The following UNC5A variants were observed in gnomAD, a reference collection of about 807,000 sequenced individuals.
UNC5A encodes the protein netrin receptor UNC5A.
Under a neutral mutation model 87.4 loss-of-function variants are expected in UNC5A, and 20 were observed. That is an observed-to-expected ratio of 0.23 (90% CI 0.16 to 0.33). The LOEUF (loss-of-function observed/expected upper bound fraction) is 0.33, where lower values mean the gene tolerates loss of function less well. Ranked by LOEUF, UNC5A falls within the 10% of genes least tolerant of loss-of-function variation. The pLI is 1.00. For missense variants in UNC5A, 844 were observed against 1,133.4 expected (o/e 0.74, Z 3.67); for synonymous variants, 438 against 482.3 (o/e 0.91, Z 1.20).
rs575669474 is a variant in UNC5A, at chr5:176,880,008, C to G, written c.*122C>G. The G allele has an allele frequency of 6.4e-4, 839 of 1,308,562 alleles. No homozygotes were observed. The highest frequency in any genetic ancestry group is 8.4e-4 in the Non-Finnish European group (823 of 978,920). The allele number at this position is 1,308,562 out of a possible 1,614,324, so 81.1% of individuals were successfully genotyped here. On this transcript the variant is annotated 3_prime_UTR_variant, in exon 15 of 15. Coordinates refer to ENST00000329542, the MANE Select transcript of UNC5A (RefSeq NM_133369.3). ...CTGCTCGGACAGGCCCCCTCCCGGC[C>G]GAAGCTGTCCCTTAATGCTGGTCCT...
chr5:176,872,655 A>C (rs1334712011), intron 6 of UNC5A, among the ~76,000 whole-genome samples: 6 of 91,310 alleles, frequency 6.6e-5, no homozygotes, highest in Admixed American at 1.1e-4. Context: ...CACACTCACC[A>C]ACACCACAGC....
intron 1 of UNC5A, among the ~76,000 whole-genome samples, chr5:176,834,242 G>A (rs1757095088): frequency 6.6e-6 from 1 of 152,170 alleles, no homozygotes. Flanking sequence ...AAGGAGCTGA[G>A]ACAGGGCCCC....
chr5:176,826,045 A>T (rs1756845063), intron 1 of UNC5A, among the ~76,000 whole-genome samples: 1 of 152,146 alleles, frequency 6.6e-6, no homozygotes, highest in African/African-American at 2.4e-5. Flanking sequence ...CAAAGGGCCT[A>T]CTCTGGTCTG....
chr5:176,823,429 G>A (rs559552054), intron 1 of UNC5A, among the ~76,000 whole-genome samples: 58 of 152,246 alleles, frequency 3.8e-4, no homozygotes, highest in African/African-American at 1.3e-3. Flanking sequence ...GGTCAGGCAG[G>A]CACTGGGGGC....
Position 176,870,439 on chromosome 5 carries a change from G to A in UNC5A, c.791G>A (p.Arg264His), listed in dbSNP as rs1758081398. 4 of 1,612,210 alleles carry A rather than the reference G, an allele frequency of 2.5e-6. No homozygotes were observed. The highest frequency in any genetic ancestry group is 2.5e-6 in the Non-Finnish European group (3 of 1,179,510). Residue 264 changes from arginine (R) to histidine (H), a missense_variant, in exon 6 of 15, where the codon CGT (arginine) becomes CAT (histidine). Around this residue, in one of 3 missense-constraint regions of UNC5A, gnomAD observed 314 missense variants for 466.5 expected, o/e 0.67. Coordinates refer to ENST00000329542, the MANE Select transcript of UNC5A (RefSeq NM_133369.3). ...CTGGACTGCACCCACTGGCGGAGCC[G>A]TGAGTGCTCTGACCCAGCACCCCGC... is the stretch of plus-strand genomic sequence containing the variant. ...CGLDCTHWRSRECSDPAPRNG... is the reference protein window; with the variant it reads ...CGLDCTHWRSHECSDPAPRNG...
At chr5:176,825,838 C>A (rs1011609754) in intron 1 of UNC5A, among the ~76,000 whole-genome samples, 3 of 152,130 alleles carry the variant, frequency 2.0e-5, no homozygotes, top group African/African-American at 7.2e-5. Context: ...GGCACCTGAG[C>A]CATTAAATAA....
rs185156612 is a variant in UNC5A at position 176,832,957 on chromosome 5, G to A, written c.70+22137G>A. Among the ~76,000 whole-genome samples, 24 of 152,284 alleles carry A rather than the reference G, an allele frequency of 1.6e-4. No homozygotes were observed. In the East Asian group the frequency reaches 4.3e-3, roughly 27 times the overall value. On this transcript the variant is annotated intron_variant, in intron 1 of 14. Coordinates refer to ENST00000329542, the MANE Select transcript of UNC5A (RefSeq NM_133369.3). Reference sequence around the variant, plus strand: ...AGGGCTTGGTCAGCCCTTGGGCAGAGGAGGAACGAAAGGAGGCTCATGCCT... The same window carrying A: ...AGGGCTTGGTCAGCCCTTGGGCAGAAGAGGAACGAAAGGAGGCTCATGCCT...
intron 1 of UNC5A, among the ~76,000 whole-genome samples, chr5:176,845,248 C>G (rs992668801): frequency 6.6e-6 from 1 of 152,202 alleles, no homozygotes; most frequent in Non-Finnish European, 1.5e-5. Context: ...ACAGAGCCCT[C>G]GCTCCAGAGC....
intron 6 of UNC5A, among the ~76,000 whole-genome samples, chr5:176,872,661 A>C: frequency 1.0e-5 from 1 of 98,932 alleles, no homozygotes; most frequent in Non-Finnish European, 2.0e-5. Flanking sequence ...CACCAACACC[A>C]CAGCTTCACA....
chr5:176,817,377 A>G (rs1581240901), intron 1 of UNC5A, among the ~76,000 whole-genome samples: 1 of 152,182 alleles, frequency 6.6e-6, no homozygotes, highest in East Asian at 1.9e-4. Flanking sequence ...CCTCGGCCCT[A>G]GGTGTCCCCA....
rs994591977 is a variant in UNC5A, at chr5:176,844,421, G to A, written c.71-18203G>A. On this transcript the variant is annotated intron_variant, in intron 1 of 14. Transcript: ENST00000329542. The surrounding 1 kb of genome is among the most constrained non-coding windows in gnomAD (Gnocchi z 4.2). ...CTGTGCCAGGGAAGGAGAGGCCAGGGGAAGTTTATGTCCACCCACGGTGTC... is the reference window on the plus strand; with the variant it reads ...CTGTGCCAGGGAAGGAGAGGCCAGGAGAAGTTTATGTCCACCCACGGTGTC... 1.3e-5 allele frequency among the ~76,000 whole-genome samples: 2 copies of A among 152,182 alleles called. No individual in the cohort carries two copies. Among genetic ancestry groups the A allele is most frequent in the South Asian group, 2.1e-4 (1 of 4,830 alleles).
chr5:176,870,467 C>T lies in UNC5A; in HGVS notation c.819C>T (p.Asn273=), dbSNP rs368683004. The part of the protein sequence containing the change: ...SRECSDPAPR[N]GGEECQGTDL... ...AGTGCTCTGACCCAGCACCCCGCAACGGAGGGGAGGAGTGCCAGGGCACTG... is the reference window on the plus strand; with the variant it reads ...AGTGCTCTGACCCAGCACCCCGCAATGGAGGGGAGGAGTGCCAGGGCACTG... Residue 273 remains asparagine, a synonymous_variant, in exon 6 of 15, where the codon AAC becomes AAT. Coordinates refer to ENST00000329542, the MANE Select transcript of UNC5A (RefSeq NM_133369.3). 4.7e-5 allele frequency: 76 copies of T among 1,611,100 alleles called. No individual in the cohort carries two copies. Among genetic ancestry groups the T allele is most frequent in the Admixed American group, 2.2e-4 (13 of 59,910 alleles).
intron 2 of UNC5A, chr5:176,864,779 C>G (rs1252155464): frequency 8.8e-6 from 4 of 455,054 alleles, no homozygotes; most frequent in Non-Finnish European, 1.8e-5. Context: ...GAGTTATGCT[C>G]TCAGGGCAGT....
intron 1 of UNC5A, among the ~76,000 whole-genome samples, chr5:176,861,629 G>A (rs1757843328): frequency 6.6e-6 from 1 of 152,182 alleles, no homozygotes; most frequent in African/African-American, 2.4e-5. Context: ...GAGCCCAGAG[G>A]CCATCCATGT....
rs1379904173 is a variant in UNC5A, at chr5:176,824,693, T to C, written c.70+13873T>C. ...CTGGGGCTGGAACCTGGATGCCACT[T>C]TGGCAGATGAACACCCCCTACTGCT... On this transcript the variant is annotated intron_variant, in intron 1 of 14. Coordinates refer to ENST00000329542, the MANE Select transcript of UNC5A (RefSeq NM_133369.3). This position sits in a 1 kb window ranked among gnomAD's most constrained non-coding sequence, Gnocchi z 4.2. 6.6e-6 allele frequency among the ~76,000 whole-genome samples: 1 copy of C among 152,182 alleles called. No homozygotes were observed. The highest frequency in any genetic ancestry group is 1.9e-4 in the East Asian group (1 of 5,200).
chr5:176,878,854 G>A (rs778058844), intron 13 of UNC5A, among the ~76,000 whole-genome samples: 6 of 152,192 alleles, frequency 3.9e-5, no homozygotes, highest in Admixed American at 6.5e-5. Flanking sequence ...GGGAGTGCAG[G>A]GGACATGGGA....
intron 1 of UNC5A, among the ~76,000 whole-genome samples, chr5:176,840,519 T>A (rs1283562154): frequency 6.6e-6 from 1 of 152,218 alleles, no homozygotes; most frequent in East Asian, 1.9e-4. Context: ...TCTCTATCTC[T>A]TCATCTCTTT....
At chr5:176,850,559 G>A (rs1040626464) in intron 1 of UNC5A, among the ~76,000 whole-genome samples, 2 of 152,270 alleles carry the variant, frequency 1.3e-5, no homozygotes, top group East Asian at 1.9e-4. Flanking sequence ...GAGGGTGGGC[G>A]GGGAGCCTGG....
intron 1 of UNC5A, among the ~76,000 whole-genome samples, chr5:176,857,423 C>T (rs1052836905): frequency 4.6e-5 from 7 of 152,178 alleles, no homozygotes; most frequent in Non-Finnish European, 1.5e-5. Context: ...CCATTGCCAC[C>T]GGCCCCGGGG....
Sources: gnomAD v4.1 joint callset for allele counts (sites outside exome capture counted in the v4.1 genomes callset) on GRCh38, gnomAD v4.1.1 for gene constraint, gnomAD v4.1.1 regional missense constraint, Gnocchi (gnomAD v3.1) non-coding constraint, MANE v1.5 for transcripts, NCBI Gene and HGNC (gene_info 2026-07-23, HGNC 2026-07-21) for gene names.